HAUS8: variants seen among roughly 807,000 people sequenced by gnomAD.
HAUS8 encodes HAUS augmin like complex subunit 8.
HAUS8 carries 38 observed loss-of-function variants against 42.9 expected under a neutral mutation model. The observed-to-expected ratio is 0.89, with a 90% confidence interval of 0.68 to 1.16. HAUS8 has a LOEUF of 1.16. Among genes scored for constraint, HAUS8 ranks in the 50% most tolerant of loss-of-function variants. The probability of loss-of-function intolerance (pLI) is 0.00; values close to 1 mark genes in which losing one functional copy is unlikely to be tolerated. For synonymous variants in HAUS8, 199 were observed against 205.8 expected (o/e 0.97, Z 0.28); for missense variants, 494 against 511.6 (o/e 0.97, Z 0.33).
In HAUS8 at chr19:17,052,820, G is replaced by A. The variant is rs778303008; in HGVS notation, c.929+5C>T. 6.2e-7 allele frequency: 1 copy of A among 1,614,126 alleles called. No homozygotes were observed. The highest frequency in any genetic ancestry group is 1.7e-5 in the Admixed American group (1 of 60,014). On this transcript the variant is annotated splice_donor_5th_base_variant and intron_variant, in intron 10 of 10. Transcript: ENST00000253669. ...ACCTCTTTCTTAAAGCATTTTCCGA[G>A]GTACCTTCGGAGCTCAAGGTCCTTT...
At chr19:17,070,748 C>T (rs908708233) in intron 2 of HAUS8, among the ~76,000 whole-genome samples, 3 of 152,318 alleles carry the variant, frequency 2.0e-5, no homozygotes, top group South Asian at 2.1e-4. Context: ...CCACCTGGTA[C>T]GGGGTAGGCA....
chr19:17,058,033 G>A (rs148733994), intron 8 of HAUS8, among the ~76,000 whole-genome samples: 14 of 152,338 alleles, frequency 9.2e-5, no homozygotes, highest in Admixed American at 3.3e-4. Context: ...TTCCTGAACC[G>A]TAAGAGAATG....
At chr19:17,058,417 T>C (rs1181173844) in intron 8 of HAUS8, 132 bp downstream of exon 8, 3 of 817,660 alleles carry the variant, frequency 3.7e-6, no homozygotes, top group African/African-American at 3.5e-5. Flanking sequence ...AGAGCAAGTG[T>C]GGCATTAAAA....
intron 10 of HAUS8, chr19:17,052,517 G>T: frequency 4.3e-6 from 1 of 230,300 alleles, no homozygotes; most frequent in South Asian, 6.8e-5. Flanking sequence ...ATTTGAGGTT[G>T]CAGTGAGCTG....
intron 9 of HAUS8, chr19:17,053,685 C>T (rs1220355895): frequency 2.8e-5 from 4 of 142,070 alleles, no homozygotes; most frequent in South Asian, 2.2e-4. Context: ...TTTTTTGAGA[C>T]AGAGTCTTGC....
chr19:17,058,739 T>TG (rs1260731811), intron 7 of HAUS8, 32 bp from the exon 8 acceptor site: 1 of 1,605,162 alleles, frequency 6.2e-7, no homozygotes, highest in South Asian at 1.1e-5. Flanking sequence ...CTCAAGCAGG[T>TG]GGGGACTCCC....
chr19:17,062,703 C>T lies in HAUS8; in HGVS notation c.224G>A (p.Ser75Asn), dbSNP rs768314756. ...GGRKSSLLQK[S>N]KADSSGVGKG... is the part of the protein sequence containing the mutation. ...GGACCATGGCTGTTTCGCACCTTTG[C>T]TTTTCTGGAGCAGGCTGGATTTCCT... The change falls in exon 4 of 11, where the codon AGC becomes AAC. Residue 75 changes from serine (S) to asparagine (N), a missense_variant. Ser to Asn is a conservative substitution (Grantham distance 46). Coordinates refer to ENST00000253669, the MANE Select transcript of HAUS8 (RefSeq NM_033417.2). 136 of 1,613,944 alleles carry T rather than the reference C, an allele frequency of 8.4e-5. No individual in the cohort carries two copies. The highest frequency in any genetic ancestry group is 1.1e-4 in the Non-Finnish European group (132 of 1,179,936).
Position 17,059,983 on chromosome 19 carries a change from A to C in HAUS8, c.325+14T>G. The C allele has an allele frequency of 6.3e-7, 1 of 1,594,476 alleles. No homozygotes were observed. The highest frequency in any genetic ancestry group is 8.6e-7 in the Non-Finnish European group (1 of 1,162,266). On this transcript the variant is annotated intron_variant, in intron 5 of 10. Transcript: ENST00000253669. Reference sequence around the variant, plus strand: ...CCCCAGTGAGTGACAGAAGGGGTGAAACAAATGATTTACCATTAATAGCAG... The same window carrying C: ...CCCCAGTGAGTGACAGAAGGGGTGACACAAATGATTTACCATTAATAGCAG...
At chr19:17,060,184 A>C in intron 4 of HAUS8, 92 bp from the exon 5 acceptor site, 3 of 671,996 alleles carry the variant, frequency 4.5e-6, no homozygotes, top group Admixed American at 5.4e-5. Flanking sequence ...GAACAATACC[A>C]CTTGCTTCTA....
At chr19:17,053,312 CAG>C in intron 9 of HAUS8, 1 of 297,758 alleles carries the variant, frequency 3.4e-6, no homozygotes, top group South Asian at 3.9e-5. Context: ...AACTGAAAAA[CAG>C]TCCTTGTTGC....
In HAUS8 at chr19:17,049,976, G is replaced by A. The variant is rs777639612; in HGVS notation, c.1130C>T (p.Ala377Val). Residue 377 changes from alanine (A) to valine (V), a missense_variant, in exon 11 of 11, where the codon GCC becomes GTC. Physicochemically the swap from Ala to Val is moderately conservative, Grantham distance 64. Coordinates refer to ENST00000253669, the MANE Select transcript of HAUS8 (RefSeq NM_033417.2). ...GCTGATGAACGTGGCCTGAGCGGGG[G>A]CTGACGAGGCACCCGGGTTGTCGTC... is the stretch of plus-strand genomic sequence containing the variant. ...SEDDNPGASS[A>V]PAQATFISPS... is the part of the protein sequence containing the mutation. The A allele has an allele frequency of 1.5e-5, 24 of 1,600,342 alleles. No homozygotes were observed. The highest frequency in any genetic ancestry group is 2.0e-5 in the Non-Finnish European group (23 of 1,173,892).
In HAUS8 at chr19:17,058,594, G is replaced by A; in HGVS notation, c.600C>T (p.Leu200=). 6.2e-7 allele frequency: 1 copy of A among 1,612,338 alleles called. No individual in the cohort carries two copies. Among genetic ancestry groups the A allele is most frequent in the African/African-American group, 1.3e-5 (1 of 74,880 alleles). Residue 200 remains leucine, a synonymous_variant, in exon 8 of 11, where the codon CTC becomes CTT. Transcript: ENST00000253669. ...KKAHELKRRL[L]LSQRKRELAD... ...CCAGCTCCCGCTTCCTCTGAGAGAG[G>A]AGAAGCCTGCGCTTCAGCTCGTGGG...
chr19:17,073,525 A>C lies in HAUS8; in HGVS notation c.30-190T>G. On this transcript the variant is annotated intron_variant, in intron 1 of 10. Transcript: ENST00000253669. ...AGCAGCCAGCCCTGGTCACCTGGGC[A>C]AGAAGGCATAGGTGAACACCCAAAC... is the stretch of plus-strand genomic sequence containing the variant. The C allele has an allele frequency of 6.4e-6, 4 of 624,256 alleles. 1 individual carries two copies. The highest frequency in any genetic ancestry group is 1.2e-5 in the Non-Finnish European group (4 of 346,690). 38.7% of individuals were successfully genotyped at this position (624,256 alleles called of 1,614,324 possible). A position where few individuals can be genotyped will look rare whatever the true frequency, so the allele number is the denominator to read the frequency against.
At chr19:17,064,596 T>C (rs1468021850) in intron 3 of HAUS8, among the ~76,000 whole-genome samples, 1 of 152,126 alleles carries the variant, frequency 6.6e-6, no homozygotes, top group Non-Finnish European at 1.5e-5. Flanking sequence ...TTGACAGAGA[T>C]GATGAGAGAA....
chr19:17,056,148 T>C (rs2057325135), intron 8 of HAUS8, 146 bp from the exon 9 acceptor site: 1 of 776,372 alleles, frequency 1.3e-6, no homozygotes, highest in Non-Finnish European at 2.1e-6. Flanking sequence ...TTTCCGAGGG[T>C]GTGGTGAGCT....
At chr19:17,067,137 G>A (rs147448287) in intron 3 of HAUS8, among the ~76,000 whole-genome samples, 1 of 151,570 alleles carries the variant, frequency 6.6e-6, no homozygotes, top group African/African-American at 2.4e-5. Flanking sequence ...TCCAGAAGGC[G>A]GAGGTTGCAG....
intron 7 of HAUS8, 38 bp from the exon 8 acceptor site, chr19:17,058,745 CT>C (rs759519908): frequency 1.9e-5 from 30 of 1,604,930 alleles, no homozygotes; most frequent in South Asian, 1.7e-4. Flanking sequence ...CAGGTGGGGA[CT>C]CCCTCCCCGT....
chr19:17,069,081 T>A lies in HAUS8; in HGVS notation c.97A>T (p.Arg33Ter). Residue 33 changes from arginine to a stop codon, truncating the protein, a stop_gained, in exon 3 of 11, where the codon AGA becomes TGA. Coordinates refer to ENST00000253669, the MANE Select transcript of HAUS8 (RefSeq NM_033417.2). LOFTEE classifies it high-confidence loss of function. Reference protein sequence around the residue: ...KKKDKRVQGGRVIESRYLQYE... With the variant: ...KKKDKRVQGG ...TGCAGATACCGGGACTCAATCACTC[T>A]TCCACCTGTGGGGACACACTGTTGG... 6.2e-7 allele frequency: 1 copy of A among 1,613,156 alleles called. No individual in the cohort carries two copies. The highest frequency in any genetic ancestry group is 1.1e-5 in the South Asian group (1 of 90,854).
chr19:17,058,732 AAGCAGGTGGGGACT>A, intron 7 of HAUS8, 25 bp from the exon 8 acceptor site: 2 of 1,603,848 alleles, frequency 1.2e-6, no homozygotes, highest in Non-Finnish European at 1.7e-6. Flanking sequence ...AGAAAAGCTC[AAGCAGGTGGGGACT>A]CCCTCCCCGT....
Sources: allele counts gnomAD v4.1 joint callset (sites outside exome capture counted in the v4.1 genomes callset), GRCh38; gene constraint gnomAD v4.1.1; transcripts MANE v1.5; gene names NCBI Gene and HGNC (gene_info 2026-07-23, HGNC 2026-07-21).